Variants in GRID2 observed in about 807,000 individuals in gnomAD.
GRID2 encodes glutamate receptor ionotropic, delta-2.
In GRID2, 33 loss-of-function variants were observed where a neutral mutation model predicts 114.8. The observed-to-expected ratio is 0.29, with a 90% CI of 0.22 to 0.38. The LOEUF is 0.38. Among genes scored for constraint, GRID2 ranks in the 10% least tolerant of loss-of-function variants. The probability of loss-of-function intolerance (pLI) is 1.00; values close to 1 mark genes in which losing one functional copy is unlikely to be tolerated. For synonymous variants in GRID2, 505 were observed against 449.9 expected (o/e 1.12, Z -1.55); for missense variants, 1,184 against 1,257.7 (o/e 0.94, Z 0.89).
chr4:93,273,301 A>G (rs1192474861), intron 8 of GRID2, among the ~76,000 whole-genome samples: 6 of 152,314 alleles, frequency 3.9e-5, no homozygotes, highest in East Asian at 1.9e-4. Flanking sequence ...GGTATCCCAG[A>G]TCTCTTTCTC....
At chr4:93,451,662 G>GTCTATT (rs1722698044) in intron 10 of GRID2, among the ~76,000 whole-genome samples, 1 of 152,068 alleles carries the variant, frequency 6.6e-6, no homozygotes, top group Admixed American at 6.6e-5. Context: ...AGACTGAAGA[G>GTCTATT]GAAGAAAGGT....
chr4:93,671,880 C>A (rs1269976641), intron 14 of GRID2, among the ~76,000 whole-genome samples: 1 of 152,014 alleles, frequency 6.6e-6, no homozygotes, highest in Non-Finnish European at 1.5e-5. Context: ...GAGGCTGAGG[C>A]AGGAGAATTG....
At chr4:92,675,162 A>G (rs964442409) in intron 2 of GRID2, among the ~76,000 whole-genome samples, 2 of 152,134 alleles carry the variant, frequency 1.3e-5, no homozygotes, top group African/African-American at 4.8e-5. Flanking sequence ...CTATTACTAT[A>G]TAACTCTGCT....
intron 1 of GRID2, among the ~76,000 whole-genome samples, chr4:92,308,674 C>A (rs1195267825): frequency 6.6e-6 from 1 of 151,622 alleles, no homozygotes; most frequent in African/African-American, 2.4e-5. Context: ...TACTTCTGCA[C>A]TAAGGATTAT....
At chr4:93,044,706 A>G (rs1049140071) in intron 2 of GRID2, among the ~76,000 whole-genome samples, 2 of 152,186 alleles carry the variant, frequency 1.3e-5, no homozygotes, top group African/African-American at 4.8e-5. Flanking sequence ...TACAAGGTGC[A>G]TAAGTGATCA....
intron 2 of GRID2, among the ~76,000 whole-genome samples, chr4:92,956,479 T>C (rs117004624): frequency 0.015 from 2,265 of 152,344 alleles, 21 homozygotes; most frequent in East Asian, 0.053. Context: ...TTATGTTTCT[T>C]CCATGTCTTT....
At chr4:92,496,804 T>G (rs1252065250) in intron 1 of GRID2, among the ~76,000 whole-genome samples, 1 of 151,784 alleles carries the variant, frequency 6.6e-6, no homozygotes, top group Non-Finnish European at 1.5e-5. Context: ...GGGACATATA[T>G]TCACACCACC....
At chr4:93,071,714 A>G (rs886252192) in intron 2 of GRID2, among the ~76,000 whole-genome samples, 2 of 152,156 alleles carry the variant, frequency 1.3e-5, no homozygotes, top group African/African-American at 2.4e-5. Context: ...GCTGATGGAA[A>G]CAGGAGTTTG....
At chr4:92,770,850 C>A (rs1055891236) in intron 2 of GRID2, among the ~76,000 whole-genome samples, 7 of 152,160 alleles carry the variant, frequency 4.6e-5, no homozygotes, top group Admixed American at 2.0e-4. Flanking sequence ...GGGACACAGA[C>A]AAACCATATC....
At chr4:92,835,418 A>G (rs915467797) in intron 2 of GRID2, among the ~76,000 whole-genome samples, 6 of 152,070 alleles carry the variant, frequency 3.9e-5, no homozygotes, top group Non-Finnish European at 7.4e-5. Flanking sequence ...AAAAATGTTT[A>G]TAATTGTTTA....
intron 14 of GRID2, among the ~76,000 whole-genome samples, chr4:93,648,766 A>G (rs1054064485): frequency 6.2e-5 from 9 of 145,604 alleles, no homozygotes; most frequent in Admixed American, 4.1e-4. Flanking sequence ...TTTGAGAACC[A>G]CTCTTGTAAT....
chr4:92,580,109 A>ATATTG (rs1728107723), intron 1 of GRID2, among the ~76,000 whole-genome samples: 1 of 150,334 alleles, frequency 6.7e-6, no homozygotes, highest in Non-Finnish European at 1.5e-5. Flanking sequence ...GCTAATAAAT[A>ATATTG]CCTAGAAAAT....
At chr4:92,660,379 A>G (rs1732459304) in intron 2 of GRID2, among the ~76,000 whole-genome samples, 2 of 151,302 alleles carry the variant, frequency 1.3e-5, no homozygotes, top group Admixed American at 1.3e-4. Context: ...GTTCCAGTTT[A>G]CAAACTGTCC....
chr4:92,384,433 A>AATATATAT (rs372161362), intron 1 of GRID2, among the ~76,000 whole-genome samples: 22 of 30,252 alleles, frequency 7.3e-4, no homozygotes, highest in South Asian at 8.9e-4. Context: ...TGTGTGTAGG[A>AATATATAT]ATATATATAT....
intron 8 of GRID2, among the ~76,000 whole-genome samples, chr4:93,360,874 G>T (rs1343950816): frequency 6.0e-5 from 9 of 150,466 alleles, no homozygotes; most frequent in Admixed American, 4.7e-4. Context: ...TATTTTTTCT[G>T]TACTTCTCTT....
At chr4:92,882,561 CTG>C (rs1560666305) in intron 2 of GRID2, among the ~76,000 whole-genome samples, 1 of 151,876 alleles carries the variant, frequency 6.6e-6, no homozygotes, top group African/African-American at 2.4e-5. Context: ...GAAAAACACT[CTG>C]TTAATTAAAA....
chr4:93,131,102 A>G (rs1427000272), intron 4 of GRID2, among the ~76,000 whole-genome samples: 1 of 144,698 alleles, frequency 6.9e-6, no homozygotes, highest in East Asian at 2.1e-4. Context: ...TACTTTTGGT[A>G]TTTTGGGACT....
At chr4:92,586,119 A>T (rs34191803) in intron 1 of GRID2, among the ~76,000 whole-genome samples, 61,823 of 151,508 alleles carry the variant, frequency 0.41, 12,792 homozygotes, top group African/African-American at 0.49. Flanking sequence ...ATAAAAATAG[A>T]TTATATGGCC....
intron 14 of GRID2, among the ~76,000 whole-genome samples, chr4:93,720,167 A>C (rs575771616): frequency 3.7e-4 from 56 of 152,334 alleles, no homozygotes; most frequent in Middle Eastern, 3.4e-3. Context: ...CTACAAGAAG[A>C]GAACAAATGA....
Sources: gnomAD v4.1 joint callset for allele counts (sites outside exome capture counted in the v4.1 genomes callset) on GRCh38, gnomAD v4.1.1 for gene constraint, MANE v1.5 for transcripts, NCBI Gene and HGNC (gene_info 2026-07-23, HGNC 2026-07-21) for gene names.